Variants in NCOA3 observed in about 807,000 individuals in gnomAD.
The protein encoded by NCOA3 is nuclear receptor coactivator 3, also known as CBP-interacting protein.
Under a neutral mutation model 158.8 loss-of-function variants are expected in NCOA3, and 51 were observed. The observed-to-expected ratio is 0.32, with a 90% confidence interval of 0.26 to 0.41. The LOEUF (loss-of-function observed/expected upper bound fraction) is 0.41. Ranked by LOEUF, NCOA3 falls within the 10% of genes least tolerant of loss-of-function variation. The pLI, the probability that NCOA3 is intolerant of heterozygous loss-of-function variation, is 1.00. For synonymous variants in NCOA3, 537 were observed against 592.4 expected (o/e 0.91, Z 1.36); for missense variants, 1,510 against 1,746.6 (o/e 0.86, Z 2.41).
intron 1 of NCOA3, among the ~76,000 whole-genome samples, chr20:47,502,404 G>A (rs981100079): frequency 8.5e-5 from 13 of 152,070 alleles, no homozygotes; most frequent in Non-Finnish European, 1.9e-4. Context: ...TCCCCGCGTC[G>A]TCCTCCTGCT....
At chr20:47,536,592 A>G (rs1407366577) in intron 1 of NCOA3, among the ~76,000 whole-genome samples, 1 of 152,200 alleles carries the variant, frequency 6.6e-6, no homozygotes, top group Non-Finnish European at 1.5e-5. Context: ...TTGTCATTCT[A>G]AAGCTTGTAG....
intron 1 of NCOA3, among the ~76,000 whole-genome samples, chr20:47,536,304 G>C (rs953732753): frequency 6.6e-6 from 1 of 152,204 alleles, no homozygotes; most frequent in Admixed American, 6.5e-5. Context: ...TTTGTAGAGA[G>C]TGTCTTGCCA....
chr20:47,647,078 G>C lies in NCOA3; in HGVS notation c.3258G>C (p.Gln1086His). ...TTTTATGTGTTGTGTTTAAGGGACA[G>C]GCATTAGAGCCCAAACAGGATGCTT... ...LGIPELVNQG[Q>H]ALEPKQDAFQ... Residue 1086 changes from glutamine (Q) to histidine (H), a missense_variant, in exon 18 of 23, where the codon CAG becomes CAC. Physicochemically the swap from Gln to His is conservative, Grantham distance 24. This residue lies in a region of NCOA3 where 1,017 missense variants were observed against 1,098.3 expected (regional missense o/e 0.93). Coordinates refer to ENST00000371998, the MANE Select transcript of NCOA3 (RefSeq NM_181659.3). 1 of 1,613,108 alleles carries C rather than the reference G, an allele frequency of 6.2e-7. No homozygotes were observed. The highest frequency in any genetic ancestry group is 8.5e-7 in the Non-Finnish European group (1 of 1,179,314).
chr20:47,611,891 C>T (rs895675495), intron 2 of NCOA3, among the ~76,000 whole-genome samples: 21 of 152,150 alleles, frequency 1.4e-4, no homozygotes, highest in Non-Finnish European at 5.9e-5. Context: ...TGGCGCGAAC[C>T]TTAGCTCACT....
At chr20:47,514,352 C>G (rs1237867659) in intron 1 of NCOA3, among the ~76,000 whole-genome samples, 4 of 151,978 alleles carry the variant, frequency 2.6e-5, no homozygotes, top group Admixed American at 2.6e-4. Flanking sequence ...ACTTTTATAA[C>G]TGAAAAAACA....
At position 47,636,250 on chromosome 20, in the gene NCOA3, C is replaced by T. The variant is rs2086513528; in HGVS notation, c.1864C>T (p.Leu622=). The part of the protein sequence containing the change: ...PLESKGHKKL[L]QLLTCSSDDR... ...GGAAAGCAAAGGTCATAAAAAATTA[C>T]TGCAGTTACTTACCTGTTCTTCTGA... The change falls in exon 12 of 23, where the codon CTG becomes TTG. Residue 622 remains leucine, a synonymous_variant. Coordinates refer to ENST00000371998, the MANE Select transcript of NCOA3 (RefSeq NM_181659.3). The T allele has an allele frequency of 6.2e-7, 1 of 1,614,188 alleles. No individual in the cohort carries two copies. The highest frequency in any genetic ancestry group is 8.5e-7 in the Non-Finnish European group (1 of 1,180,032).
intron 1 of NCOA3, among the ~76,000 whole-genome samples, chr20:47,564,490 C>T (rs1477202065): frequency 6.6e-6 from 1 of 151,876 alleles, no homozygotes; most frequent in Non-Finnish European, 1.5e-5. Context: ...CCTCAAGGAG[C>T]TTGCATCAAG....
chr20:47,640,082 A>G, intron 16 of NCOA3, 31 bp downstream of exon 16: 2 of 1,613,760 alleles, frequency 1.2e-6, no homozygotes, highest in Non-Finnish European at 1.7e-6. Context: ...TCTGTAGAAA[A>G]TCTCAGCATT....
At chr20:47,597,527 C>T (rs1332690357) in intron 2 of NCOA3, among the ~76,000 whole-genome samples, 6 of 146,864 alleles carry the variant, frequency 4.1e-5, no homozygotes, top group Non-Finnish European at 7.4e-5. Flanking sequence ...TTCGCTCTGT[C>T]GCCTAGGCTG....
intron 2 of NCOA3, among the ~76,000 whole-genome samples, chr20:47,611,007 T>A (rs1423602090): frequency 6.6e-6 from 1 of 152,188 alleles, no homozygotes; most frequent in Non-Finnish European, 1.5e-5. Flanking sequence ...TTCCCCCTCT[T>A]CATTGTTTAC....
intron 1 of NCOA3, among the ~76,000 whole-genome samples, chr20:47,550,350 A>G (rs2084909467): frequency 6.7e-6 from 1 of 149,216 alleles, no homozygotes; most frequent in Non-Finnish European, 1.5e-5. Context: ...AGGCTGAGGC[A>G]GGAGAATTGC....
rs1330585405 is a variant in NCOA3, at chr20:47,635,603, G to C, written c.1394G>C (p.Ser465Thr). Reference protein sequence around the residue: ...QNNNYGLNMSSPPHGSPGLAP... With the variant: ...QNNNYGLNMSTPPHGSPGLAP... ...AACAACTATGGGCTCAACATGAGTA[G>C]CCCCCCACATGGGAGTCCTGGTCTT... The change falls in exon 11 of 23, where the codon AGC becomes ACC. Residue 465 changes from serine to threonine, a missense_variant. Coordinates refer to ENST00000371998, the MANE Select transcript of NCOA3 (RefSeq NM_181659.3). 6.2e-7 allele frequency: 1 copy of C among 1,614,042 alleles called. No homozygotes were observed. Among genetic ancestry groups the C allele is most frequent in the Non-Finnish European group, 8.5e-7 (1 of 1,180,046 alleles).
chr20:47,579,779 G>A (rs1354943107), intron 1 of NCOA3, among the ~76,000 whole-genome samples: 2 of 152,174 alleles, frequency 1.3e-5, no homozygotes, highest in African/African-American at 2.4e-5. Flanking sequence ...TGAACACTAA[G>A]CACCAAGTTT....
intron 17 of NCOA3, among the ~76,000 whole-genome samples, chr20:47,644,724 GTC>G (rs1350588382): frequency 6.6e-6 from 1 of 151,570 alleles, no homozygotes; most frequent in African/African-American, 2.4e-5. Flanking sequence ...TTGAGACGGA[GTC>G]TCTCCCTATC....
At chr20:47,576,817 G>GC (rs772898421) in intron 1 of NCOA3, among the ~76,000 whole-genome samples, 5 of 152,324 alleles carry the variant, frequency 3.3e-5, no homozygotes, top group Non-Finnish European at 7.3e-5. Flanking sequence ...CACTGGTGGA[G>GC]CCCAGAGCTT....
At chr20:47,633,432 G>A in intron 8 of NCOA3, 64 bp from the exon 9 acceptor site, 1 of 1,469,366 alleles carries the variant, frequency 6.8e-7, no homozygotes, top group Non-Finnish European at 9.3e-7. Context: ...TAAGCCATGT[G>A]TAGGCAGCCA....
At chr20:47,553,761 G>A (rs1263763623) in intron 1 of NCOA3, among the ~76,000 whole-genome samples, 2 of 152,038 alleles carry the variant, frequency 1.3e-5, no homozygotes, top group Non-Finnish European at 2.9e-5. Context: ...GTATTCCATG[G>A]TGTATATGTG....
chr20:47,576,838 C>T (rs936198246), intron 1 of NCOA3, among the ~76,000 whole-genome samples: 2 of 152,138 alleles, frequency 1.3e-5, no homozygotes, highest in Non-Finnish European at 2.9e-5. Flanking sequence ...TGCTCACTTC[C>T]CCACCCAACT....
intron 8 of NCOA3, chr20:47,630,864 A>G (rs1342492036): frequency 6.5e-6 from 1 of 154,506 alleles, no homozygotes; most frequent in African/African-American, 2.4e-5. Flanking sequence ...AACTTCCATC[A>G]TCATTGGGAT....
Sources: gnomAD v4.1 joint callset for allele counts (sites outside exome capture counted in the v4.1 genomes callset) on GRCh38, gnomAD v4.1.1 for gene constraint, gnomAD v4.1.1 regional missense constraint, MANE v1.5 for transcripts, NCBI Gene and HGNC (gene_info 2026-07-23, HGNC 2026-07-21) for gene names.